Variants in BEND6 observed in about 807,000 individuals in gnomAD.
BEND6 encodes BEN domain containing 6, also known as BEN domain-containing protein 6.
Under a neutral mutation model 31.8 loss-of-function variants are expected in BEND6, and 24 were observed. The ratio of observed to expected loss-of-function variants is 0.75; its 90% confidence interval spans 0.55 to 1.06. The LOEUF (loss-of-function observed/expected upper bound fraction) is 1.06. BEND6 is among the 50% of genes least tolerant of loss of function. The probability of loss-of-function intolerance (pLI) is 0.00; values close to 1 mark genes in which losing one functional copy is unlikely to be tolerated. For missense variants in BEND6, 294 were observed against 327.4 expected (o/e 0.90, Z 0.79); for synonymous variants, 109 against 114.6 (o/e 0.95, Z 0.31).
At chr6:56,983,128 C>T (rs1021749955) in intron 2 of BEND6, among the ~76,000 whole-genome samples, 3 of 152,066 alleles carry the variant, frequency 2.0e-5, no homozygotes, top group Non-Finnish European at 4.4e-5. Flanking sequence ...AAAATATAGA[C>T]CTTAATCTGT....
rs564417440 is a variant in BEND6, at chr6:57,022,353, G to A, written c.*10-3729G>A. Reference sequence around the variant, plus strand: ...TTCTATTTCTTCATGGTTCAATCTTGCTAGGTTGTATGTGTCCAGGAATTT... The same window carrying A: ...TTCTATTTCTTCATGGTTCAATCTTACTAGGTTGTATGTGTCCAGGAATTT... On this transcript the variant is annotated intron_variant, in intron 6 of 6. Coordinates refer to ENST00000370746, the MANE Select transcript of BEND6 (RefSeq NM_152731.3). 3.3e-5 allele frequency among the ~76,000 whole-genome samples: 5 copies of A among 151,708 alleles called. No individual in the cohort carries two copies. The East Asian group carries it at 9.7e-4, about 29-fold the overall frequency.
chr6:56,992,853 T>C (rs1198464062), intron 3 of BEND6, among the ~76,000 whole-genome samples: 2 of 152,196 alleles, frequency 1.3e-5, no homozygotes, highest in Non-Finnish European at 2.9e-5. Context: ...CTCACAGTGC[T>C]AAGCCCTAGA....
At chr6:57,022,963 T>C (rs1298354689) in intron 6 of BEND6, among the ~76,000 whole-genome samples, 2 of 152,234 alleles carry the variant, frequency 1.3e-5, no homozygotes, top group African/African-American at 4.8e-5. Flanking sequence ...GTTTCTAGTG[T>C]CATTCCATGG....
At chr6:57,023,521 G>C (rs967768059) in intron 6 of BEND6, among the ~76,000 whole-genome samples, 2 of 151,966 alleles carry the variant, frequency 1.3e-5, no homozygotes, top group East Asian at 3.8e-4. Flanking sequence ...TAGGTGAAGT[G>C]GCTTTCTCAT....
At chr6:57,012,850 T>C (rs996014380) in intron 3 of BEND6, among the ~76,000 whole-genome samples, 1 of 152,194 alleles carries the variant, frequency 6.6e-6, no homozygotes, top group African/African-American at 2.4e-5. Context: ...CCAAATTCCC[T>C]TTTTCTTCTT....
At chr6:57,020,833 G>GTTTTTTTTTT (rs74271470) in intron 6 of BEND6, among the ~76,000 whole-genome samples, 1 of 137,836 alleles carries the variant, frequency 7.3e-6, no homozygotes, top group South Asian at 2.3e-4. Flanking sequence ...CTAAACTCTT[G>GTTTTTTTTTT]TTTTTTTTTT....
chr6:57,005,197 A>G (rs1827110477), intron 3 of BEND6, among the ~76,000 whole-genome samples: 1 of 152,168 alleles, frequency 6.6e-6, no homozygotes, highest in Non-Finnish European at 1.5e-5. Flanking sequence ...TCTAGTAGCT[A>G]CCAGTTTTAA....
At chr6:56,967,391 G>T (rs2127841788) in intron 1 of BEND6, among the ~76,000 whole-genome samples, 1 of 152,230 alleles carries the variant, frequency 6.6e-6, no homozygotes, top group Middle Eastern at 3.4e-3. Flanking sequence ...AAAGGAGAGG[G>T]GCACATGAAA....
chr6:56,963,523 C>G (rs1825358784), intron 1 of BEND6, among the ~76,000 whole-genome samples: 1 of 152,196 alleles, frequency 6.6e-6, no homozygotes, highest in African/African-American at 2.4e-5. Context: ...GCCAAGCTGA[C>G]TCCTACTTTG....
At chr6:57,008,087 ATGCT>A in intron 3 of BEND6, 1 of 681,464 alleles carries the variant, frequency 1.5e-6, no homozygotes, top group East Asian at 2.7e-5. Flanking sequence ...AGAGACAAAA[ATGCT>A]TGCTAAGTCT....
intron 6 of BEND6, among the ~76,000 whole-genome samples, chr6:57,020,174 C>G (rs569587169): frequency 3.2e-4 from 48 of 152,284 alleles, no homozygotes; most frequent in Non-Finnish European, 4.7e-4. Context: ...GACCTCACAA[C>G]TTTTCAATTA....
At position 56,955,388 on chromosome 6, in the gene BEND6, C is replaced by T. The variant is rs1351703206; in HGVS notation, c.-173C>T. 1 of 152,296 alleles carries T rather than the reference C, an allele frequency of 6.6e-6. No individual in the cohort carries two copies. The highest frequency in any genetic ancestry group is 6.5e-5 in the Admixed American group (1 of 15,288). 9.4% of individuals were successfully genotyped at this position (152,296 alleles called of 1,614,324 possible). ...CCGAGAGGCGCTGACAGGAGCCTCC[C>T]GGCGGTGCTACCCTCCACCTCCCAC... On this transcript the variant is annotated 5_prime_UTR_variant, in exon 1 of 7. Coordinates refer to ENST00000370746, the MANE Select transcript of BEND6 (RefSeq NM_152731.3).
intron 1 of BEND6, among the ~76,000 whole-genome samples, chr6:56,958,468 G>C (rs1164904226): frequency 6.6e-6 from 1 of 152,154 alleles, no homozygotes; most frequent in African/African-American, 2.4e-5. Flanking sequence ...TTTTGAGCTA[G>C]GGTAGAGGAA....
intron 1 of BEND6, among the ~76,000 whole-genome samples, chr6:56,963,558 C>T (rs1414903077): frequency 6.6e-6 from 1 of 152,080 alleles, no homozygotes; most frequent in Non-Finnish European, 1.5e-5. Context: ...TGGGAGACCA[C>T]CTGGCTGTCC....
At chr6:56,963,894 A>C (rs990836358) in intron 1 of BEND6, among the ~76,000 whole-genome samples, 2 of 147,964 alleles carry the variant, frequency 1.4e-5, no homozygotes, top group South Asian at 2.1e-4. Flanking sequence ...AATTAATGTT[A>C]TAATTACAAT....
intron 2 of BEND6, among the ~76,000 whole-genome samples, chr6:56,986,973 C>CTTTTTT (rs869195941): frequency 4.3e-4 from 53 of 123,768 alleles, no homozygotes; most frequent in South Asian, 8.0e-4. Context: ...TGTTTCTTTT[C>CTTTTTT]TTTTTTTTTT....
chr6:56,998,082 G>A (rs1826792069), intron 3 of BEND6, among the ~76,000 whole-genome samples: 1 of 152,022 alleles, frequency 6.6e-6, no homozygotes, highest in Non-Finnish European at 1.5e-5. Context: ...AATAGAGGCT[G>A]CAAAAAAAGA....
intron 3 of BEND6, chr6:57,014,664 C>A: frequency 3.1e-6 from 2 of 649,772 alleles, no homozygotes; most frequent in Non-Finnish European, 4.9e-6. Flanking sequence ...CCTTGTAAAC[C>A]ATACACGAAG....
rs750863070 is a variant in BEND6 at position 56,992,407 on chromosome 6, G to A, written c.150G>A (p.Leu50=). 12 of 1,611,472 alleles carry A rather than the reference G, an allele frequency of 7.4e-6. No homozygotes were observed. The East Asian group carries it at 1.8e-4, about 24-fold the overall frequency. Residue 50 remains leucine, a synonymous_variant, in exon 3 of 7, where the codon CTG becomes CTA. Coordinates refer to ENST00000370746, the MANE Select transcript of BEND6 (RefSeq NM_152731.3). ...ACCCATATTCGGGAAATGCCTTTCT[G>A]CCTGGTGAAAGCTCCAGTGAGGATG... ...QRDPYSGNAF[L]PGESSSEDEE... is the part of the protein sequence containing the mutation.
Sources: allele counts gnomAD v4.1 joint callset (sites outside exome capture counted in the v4.1 genomes callset), GRCh38; gene constraint gnomAD v4.1.1; transcripts MANE v1.5; gene names NCBI Gene and HGNC (gene_info 2026-07-23, HGNC 2026-07-21).